Variants in GBE1 observed in about 807,000 individuals in gnomAD.
The protein encoded by GBE1 is 1,4-alpha-glucan-branching enzyme.
A neutral mutation model predicts 88.8 loss-of-function variants in GBE1; 70 were observed. That is an observed-to-expected ratio of 0.79 (90% confidence interval 0.65 to 0.96). The LOEUF (loss-of-function observed/expected upper bound fraction) is 0.96. Ranked by LOEUF, GBE1 falls within the 40% of genes least tolerant of loss-of-function variation. GBE1 has a pLI of 0.00. For missense variants in GBE1, 872 were observed against 871.0 expected (o/e 1.00, Z -0.01); for synonymous variants, 284 against 300.1 (o/e 0.95, Z 0.56).
At chr3:81,683,713 T>C (rs1047398323) in intron 2 of GBE1, among the ~76,000 whole-genome samples, 16 of 152,238 alleles carry the variant, frequency 1.1e-4, no homozygotes, top group Admixed American at 2.6e-4. Context: ...AACTTTCACA[T>C]GGCTCCTAAA....
At chr3:81,665,405 G>A (rs570386806) in intron 3 of GBE1, among the ~76,000 whole-genome samples, 2 of 151,772 alleles carry the variant, frequency 1.3e-5, no homozygotes, top group Non-Finnish European at 2.9e-5. Flanking sequence ...GCGTGGTGGC[G>A]GGCGCCTGTA....
At chr3:81,714,136 C>T (rs1705908419) in intron 1 of GBE1, among the ~76,000 whole-genome samples, 1 of 152,152 alleles carries the variant, frequency 6.6e-6, no homozygotes, top group South Asian at 2.1e-4. Flanking sequence ...TGAAATTCCA[C>T]AAAGACTGGG....
In GBE1 at chr3:81,649,901, G is replaced by A. The variant is rs766421967; in HGVS notation, c.450C>T (p.Ser150=). Residue 150 remains serine (S), a synonymous_variant, in exon 4 of 16, where the codon AGC becomes AGT. Coordinates refer to ENST00000429644, the MANE Select transcript of GBE1 (RefSeq NM_000158.4). ...SKLKVVITSK[S]GEILYRISPW... Reference sequence around the variant, plus strand: ...GTGAAATACGATACAAGATCTCTCCGCTTTTACTAGTAATAACTACCTAAA... The same window carrying A: ...GTGAAATACGATACAAGATCTCTCCACTTTTACTAGTAATAACTACCTAAA... 49 of 1,607,458 alleles carry A rather than the reference G, an allele frequency of 3.0e-5. No homozygotes were observed. Among genetic ancestry groups the A allele is most frequent in the Admixed American group, 6.7e-5 (4 of 59,714 alleles).
intron 7 of GBE1, among the ~76,000 whole-genome samples, chr3:81,624,377 C>T (rs1704374727): frequency 6.6e-6 from 1 of 152,080 alleles, no homozygotes; most frequent in Admixed American, 6.5e-5. Flanking sequence ...CCTAACCATA[C>T]CAGGATTCTC....
Position 81,489,890 on chromosome 3 carries a change from G to C in GBE1, c.*517C>G, listed in dbSNP as rs1020908559. ...ACGTAATGGCTTTTATATTACCTTG[G>C]ATATAATTCTTTATATCACTACTGC... On this transcript the variant is annotated 3_prime_UTR_variant, in exon 16 of 16. Coordinates refer to ENST00000429644, the MANE Select transcript of GBE1 (RefSeq NM_000158.4). 6.6e-6 allele frequency: 1 copy of C among 152,338 alleles called. No individual in the cohort carries two copies. Among genetic ancestry groups the C allele is most frequent in the African/African-American group, 2.4e-5 (1 of 41,260 alleles). The allele number at this position is 152,338 out of a possible 1,614,324, so 9.4% of individuals were successfully genotyped here. A position where few individuals can be genotyped will look rare whatever the true frequency, so the allele number is the denominator to read the frequency against.
chr3:81,711,904 C>T (rs554685029), intron 1 of GBE1, among the ~76,000 whole-genome samples: 1 of 152,202 alleles, frequency 6.6e-6, no homozygotes, highest in Non-Finnish European at 1.5e-5. Flanking sequence ...GCAATCTACT[C>T]ATCTGACAAA....
chr3:81,761,336 C>A, intron 1 of GBE1, 39 bp downstream of exon 1: 3 of 1,573,998 alleles, frequency 1.9e-6, no homozygotes, highest in Non-Finnish European at 2.6e-6. Flanking sequence ...GGGAGGCGGG[C>A]TGCCTGTCTA....
chr3:81,572,853 G>A (rs55930228), intron 12 of GBE1, among the ~76,000 whole-genome samples: 9,035 of 151,946 alleles, frequency 0.059, 349 homozygotes, highest in Non-Finnish European at 0.09. Flanking sequence ...TAGTCAATTT[G>A]CCTGCCTAAA....
chr3:81,601,912 G>C (rs1170152639), intron 7 of GBE1, among the ~76,000 whole-genome samples: 1 of 152,138 alleles, frequency 6.6e-6, no homozygotes, highest in Admixed American at 6.5e-5. Flanking sequence ...CCAGGTGCTA[G>C]GGACACAGCT....
intron 7 of GBE1, chr3:81,642,495 C>T (rs1704697681): frequency 4.0e-6 from 1 of 249,428 alleles, no homozygotes; most frequent in African/African-American, 2.4e-5. Context: ...GATAAAGTGG[C>T]CTTTTAGATA....
intron 7 of GBE1, among the ~76,000 whole-genome samples, chr3:81,624,696 C>T (rs1704386910): frequency 6.6e-6 from 1 of 151,890 alleles, no homozygotes; most frequent in African/African-American, 2.4e-5. Context: ...AGAAAATAAC[C>T]TAGTAGATAT....
intron 12 of GBE1, among the ~76,000 whole-genome samples, chr3:81,568,824 ATATATG>A (rs1347703135): frequency 5.3e-5 from 8 of 152,176 alleles, no homozygotes; most frequent in African/African-American, 1.9e-4. Context: ...GTGAAGACAT[ATATATG>A]TATGTGTGTG....
chr3:81,556,623 T>C (rs962694188), intron 12 of GBE1, among the ~76,000 whole-genome samples: 1 of 152,134 alleles, frequency 6.6e-6, no homozygotes, highest in African/African-American at 2.4e-5. Context: ...ATGTTCTTCC[T>C]GAGACCCATT....
intron 7 of GBE1, among the ~76,000 whole-genome samples, chr3:81,633,314 A>G (rs1022614704): frequency 1.3e-5 from 2 of 152,178 alleles, no homozygotes; most frequent in African/African-American, 4.8e-5. Context: ...TACAAGGTAG[A>G]TAAACTATAA....
At chr3:81,748,554 T>C (rs1291554668) in intron 1 of GBE1, among the ~76,000 whole-genome samples, 1 of 151,986 alleles carries the variant, frequency 6.6e-6, no homozygotes, top group South Asian at 2.1e-4. Context: ...GAGCTTGCAG[T>C]GAGCCGAGAC....
chr3:81,679,659 CA>C (rs1705310194), intron 2 of GBE1, among the ~76,000 whole-genome samples: 1 of 152,108 alleles, frequency 6.6e-6, no homozygotes, highest in African/African-American at 2.4e-5. Flanking sequence ...CATTTCTTTT[CA>C]AAACAGACTA....
At chr3:81,527,469 C>T (rs1303463818) in intron 14 of GBE1, among the ~76,000 whole-genome samples, 2 of 152,184 alleles carry the variant, frequency 1.3e-5, no homozygotes, top group Non-Finnish European at 2.9e-5. Flanking sequence ...GCAATCTATT[C>T]ATCTGACAAA....
In GBE1 at chr3:81,632,322, A is replaced by G. The variant is rs1303638613; in HGVS notation, c.992+10459T>C. Among the ~76,000 whole-genome samples, 4 of 152,162 alleles carry G rather than the reference A, an allele frequency of 2.6e-5. No individual in the cohort carries two copies. In the East Asian group the frequency reaches 5.8e-4, roughly 22 times the overall value. ...TGATCTATCTATCTGACAAAGAGCT[A>G]ATATCCAGAGTCTACAAAGAACTTA... On this transcript the variant is annotated intron_variant, in intron 7 of 15. Transcript: ENST00000429644.
intron 12 of GBE1, among the ~76,000 whole-genome samples, chr3:81,571,014 C>G (rs941237810): frequency 7.2e-5 from 11 of 152,096 alleles, no homozygotes; most frequent in African/African-American, 2.7e-4. Context: ...AGTATACACT[C>G]AGGATCTAAA....
Sources: gnomAD v4.1 joint callset for allele counts (sites outside exome capture counted in the v4.1 genomes callset) on GRCh38, gnomAD v4.1.1 for gene constraint, MANE v1.5 for transcripts, NCBI Gene and HGNC (gene_info 2026-07-23, HGNC 2026-07-21) for gene names.